PCDHGB1: variants seen among roughly 807,000 people sequenced by gnomAD.
PCDHGB1 encodes the protein protocadherin gamma-B1.
In PCDHGB1, 34 loss-of-function variants were observed where a neutral mutation model predicts 56.6. The ratio of observed to expected loss-of-function variants is 0.60; its 90% CI spans 0.46 to 0.80. The LOEUF (loss-of-function observed/expected upper bound fraction) is 0.80, where lower values mean the gene tolerates loss of function less well. Among genes scored for constraint, PCDHGB1 ranks in the 30% least tolerant of loss-of-function variants. The probability of loss-of-function intolerance (pLI) is 0.00; values close to 1 mark genes in which losing one functional copy is unlikely to be tolerated. For missense variants in PCDHGB1, 1,278 were observed against 1,204.6 expected, an observed-to-expected ratio of 1.06 and a Z score of -0.90; for synonymous variants, 561 against 505.9, an observed-to-expected ratio of 1.11 and a Z score of -1.46.
Position 141,489,458 on chromosome 5 carries a change from G to T in PCDHGB1, c.2410-5349G>T, listed in dbSNP as rs143138320. 1 of 1,613,924 alleles carries T rather than the reference G, an allele frequency of 6.2e-7. No homozygotes were observed. Among genetic ancestry groups the T allele is most frequent in the Non-Finnish European group, 8.5e-7 (1 of 1,180,000 alleles). On this transcript the variant is annotated intron_variant, in intron 1 of 3. Coordinates refer to ENST00000523390, the MANE Select transcript of PCDHGB1 (RefSeq NM_018922.3). The surrounding 1 kb of genome is among the most constrained non-coding windows in gnomAD (Gnocchi z 4.5). ...CAATTGGGCTCTGAGGAGAATGGGC[G>T]CTATTTTTCCCTGAGCTTGATGAGT...
chr5:141,422,492 C>G (rs747903569), intron 1 of PCDHGB1: 10 of 1,613,934 alleles, frequency 6.2e-6, no homozygotes, highest in Non-Finnish European at 8.5e-6. Flanking sequence ...TACAATATAA[C>G]GTTGACAGCC....
At position 141,375,481 on chromosome 5, in the gene PCDHGB1, CA is replaced by C. The variant is rs140643836; in HGVS notation, c.2409+22813del. 6.2e-4 allele frequency: 1,002 copies of C among 1,614,010 alleles called. 20 individuals are homozygous for C. The East Asian group carries it at 0.02, about 31-fold the overall frequency. On this transcript the variant is annotated intron_variant, in intron 1 of 3. Transcript: ENST00000523390. ...CAGTCTATGTCCTTGAAAACAACCC[CA>C]GGGGTGCCTCCATCTTCTCTGTGAA...
At chr5:141,380,270 A>G (rs1427444022) in intron 1 of PCDHGB1, among the ~76,000 whole-genome samples, 1 of 152,226 alleles carries the variant, frequency 6.6e-6, no homozygotes, top group Non-Finnish European at 1.5e-5. Flanking sequence ...GTAAAATCTC[A>G]GAGGAGAAAC....
intron 2 of PCDHGB1, among the ~76,000 whole-genome samples, chr5:141,497,706 A>G (rs2099778850): frequency 6.6e-6 from 1 of 151,956 alleles, no homozygotes; most frequent in Middle Eastern, 3.2e-3. Flanking sequence ...CACCCAGCTC[A>G]TTTTTGTATT....
At chr5:141,500,184 T>A (rs889800014) in intron 2 of PCDHGB1, among the ~76,000 whole-genome samples, 89 of 135,966 alleles carry the variant, frequency 6.5e-4, no homozygotes, top group African/African-American at 2.4e-3. Flanking sequence ...TCATTTTTAT[T>A]TTTATTTATT....
At chr5:141,384,310 A>T in intron 1 of PCDHGB1, 2 of 1,613,676 alleles carry the variant, frequency 1.2e-6, no homozygotes, top group East Asian at 4.5e-5. Flanking sequence ...AGGGGCCTCC[A>T]TTTTCTTAGT....
Position 141,485,166 on chromosome 5 carries a change from C to T in PCDHGB1, c.2410-9641C>T, listed in dbSNP as rs1180453938. 2 of 1,606,374 alleles carry T rather than the reference C, an allele frequency of 1.2e-6. No individual in the cohort carries two copies. Among genetic ancestry groups the T allele is most frequent in the Non-Finnish European group, 8.5e-7 (1 of 1,174,214 alleles). ...CAGGAGCAAGTAGAGAATTAGCGGG[C>T]GGCAGCAATGCTCCGCAAGGTGAGA... On this transcript the variant is annotated intron_variant, in intron 1 of 3. Transcript: ENST00000523390. The surrounding 1 kb of genome is among the most constrained non-coding windows in gnomAD (Gnocchi z 5.7).
At chr5:141,359,113 G>T (rs1230584767) in intron 1 of PCDHGB1, among the ~76,000 whole-genome samples, 2 of 152,214 alleles carry the variant, frequency 1.3e-5, no homozygotes, top group Non-Finnish European at 2.9e-5. Flanking sequence ...TTCATAGAAA[G>T]TTGTGGTGCA....
At chr5:141,394,968 T>C in intron 1 of PCDHGB1, 1 of 1,613,938 alleles carries the variant, frequency 6.2e-7, no homozygotes, top group Non-Finnish European at 8.5e-7. Context: ...GCTGAGGCGC[T>C]GGCACAAGTC....
At chr5:141,365,053 G>C (rs1588608159) in intron 1 of PCDHGB1, 10 of 1,613,802 alleles carry the variant, frequency 6.2e-6, no homozygotes, top group Non-Finnish European at 8.5e-6. Context: ...ATGCGCCCCT[G>C]TTCACCCCAT....
intron 1 of PCDHGB1, chr5:141,384,091 A>G: frequency 3.1e-6 from 5 of 1,595,856 alleles, no homozygotes; most frequent in South Asian, 1.1e-5. Flanking sequence ...AGAAAAATCA[A>G]TAGATAATTA....
intron 1 of PCDHGB1, among the ~76,000 whole-genome samples, chr5:141,465,090 A>G (rs566511602): frequency 6.7e-6 from 1 of 149,576 alleles, no homozygotes; most frequent in Admixed American, 6.7e-5. Flanking sequence ...TCATTTTTCT[A>G]GTAGTTTTTT....
intron 3 of PCDHGB1, chr5:141,508,010 CAAG>C (rs2099865550): frequency 6.6e-6 from 1 of 152,308 alleles, no homozygotes; most frequent in Non-Finnish European, 1.5e-5. Context: ...GGGATGCTCT[CAAG>C]GAGGCTGCGG....
intron 1 of PCDHGB1, chr5:141,404,996 G>C (rs776423830): frequency 6.2e-7 from 1 of 1,613,974 alleles, no homozygotes; most frequent in South Asian, 1.1e-5. Context: ...TCAGATCCCT[G>C]CAGACCTGGA....
In PCDHGB1 at chr5:141,485,042, C is replaced by T; in HGVS notation, c.2410-9765C>T. ...CAGCAAAAACGGCGCGTAACCCTTGCGGCGCCGGCCGAACCGCGCCAGAGC... is the reference window on the plus strand; with the variant it reads ...CAGCAAAAACGGCGCGTAACCCTTGTGGCGCCGGCCGAACCGCGCCAGAGC... On this transcript the variant is annotated intron_variant, in intron 1 of 3. Coordinates refer to ENST00000523390, the MANE Select transcript of PCDHGB1 (RefSeq NM_018922.3). This position sits in a 1 kb window ranked among gnomAD's most constrained non-coding sequence, Gnocchi z 5.7. 1 of 724,054 alleles carries T rather than the reference C, an allele frequency of 1.4e-6. No individual in the cohort carries two copies. Among genetic ancestry groups the T allele is most frequent in the South Asian group, 1.8e-5 (1 of 56,650 alleles). 44.9% of individuals were successfully genotyped at this position (724,054 alleles called of 1,614,324 possible). A position where few individuals can be genotyped will look rare whatever the true frequency, so the allele number is the denominator to read the frequency against.
chr5:141,466,344 T>G (rs1036472951), intron 1 of PCDHGB1, among the ~76,000 whole-genome samples: 5 of 152,106 alleles, frequency 3.3e-5, no homozygotes, highest in African/African-American at 4.8e-5. Flanking sequence ...ATAATTTTTT[T>G]GCAGCTAATC....
At chr5:141,400,638 T>A in intron 1 of PCDHGB1, 1 of 1,325,472 alleles carries the variant, frequency 7.5e-7, no homozygotes, top group Non-Finnish European at 1.1e-6. Flanking sequence ...TCAGAGCTGC[T>A]CAGAAAGCTG....
intron 1 of PCDHGB1, among the ~76,000 whole-genome samples, chr5:141,462,105 G>A (rs2099031983): frequency 6.6e-6 from 1 of 152,170 alleles, no homozygotes; most frequent in South Asian, 2.1e-4. Flanking sequence ...TTACAGGCAT[G>A]AGCCACTGCA....
intron 1 of PCDHGB1, chr5:141,392,939 C>T (rs1425022179): frequency 1.2e-6 from 2 of 1,613,830 alleles, no homozygotes; most frequent in Non-Finnish European, 1.7e-6. Context: ...CGGACAAAGG[C>T]TCCTTCGTGG....
Sources: allele counts gnomAD v4.1 joint callset (sites outside exome capture counted in the v4.1 genomes callset), GRCh38; gene constraint gnomAD v4.1.1; non-coding constraint Gnocchi (gnomAD v3.1); transcripts MANE v1.5; gene names NCBI Gene and HGNC (gene_info 2026-07-23, HGNC 2026-07-21).